PDZD2: variants seen among roughly 807,000 people sequenced by gnomAD.
PDZD2 encodes the protein PDZ domain-containing protein 2.
A neutral mutation model predicts 220.7 loss-of-function variants in PDZD2; 90 were observed. The observed-to-expected ratio is 0.41, with a 90% CI of 0.34 to 0.49. The LOEUF (loss-of-function observed/expected upper bound fraction) is 0.49, where lower values mean the gene tolerates loss of function less well. PDZD2 is among the 20% of genes least tolerant of loss of function. PDZD2 has a pLI of 0.28. For synonymous variants in PDZD2, 1,375 were observed against 1,450.5 expected, an observed-to-expected ratio of 0.95 and a Z score of 1.18; for missense variants, 3,174 against 3,608.5, an observed-to-expected ratio of 0.88 and a Z score of 3.08.
chr5:32,012,072 G>A (rs893978933), intron 6 of PDZD2, among the ~76,000 whole-genome samples: 1 of 152,166 alleles, frequency 6.6e-6, no homozygotes, highest in African/African-American at 2.4e-5. Context: ...CACAGCTCCA[G>A]CATTCTGACC....
Position 31,956,778 on chromosome 5 carries a change from A to G in PDZD2, c.477-26377A>G, listed in dbSNP as rs866766043. Among the ~76,000 whole-genome samples, 10 of 148,108 alleles carry G rather than the reference A, an allele frequency of 6.8e-5. 1 individual carries two copies. The highest frequency in any genetic ancestry group is 3.4e-3 in the Middle Eastern group (1 of 290). On this transcript the variant is annotated intron_variant, in intron 2 of 24. Coordinates refer to ENST00000438447, the MANE Select transcript of PDZD2 (RefSeq NM_178140.4). Reference sequence around the variant, plus strand: ...CATCTCAAAAAAAAAAAAAAAAAAAAAAAAAAAGGGACAAAGAGGAAACTG... The same window carrying G: ...CATCTCAAAAAAAAAAAAAAAAAAAGAAAAAAAGGGACAAAGAGGAAACTG...
intron 1 of PDZD2, among the ~76,000 whole-genome samples, chr5:31,660,526 T>C (rs1435232655): frequency 6.6e-6 from 1 of 152,134 alleles, no homozygotes; most frequent in Non-Finnish European, 1.5e-5. Flanking sequence ...CATGTCCTTC[T>C]TCACAAGGTG....
At position 31,646,232 on chromosome 5, in the gene PDZD2, ACT is replaced by A. The variant is rs1211435928; in HGVS notation, c.-361+6798_-361+6799del. 6.6e-6 allele frequency among the ~76,000 whole-genome samples: 1 copy of A among 151,990 alleles called. No homozygotes were observed. The highest frequency in any genetic ancestry group is 6.6e-5 in the Admixed American group (1 of 15,266). Reference sequence around the variant, plus strand: ...TACTGTAATTCCAGTATTCCAGAAGACTCTGTTTCTGGAGACTGGAGAGGCAA... The same window carrying A: ...TACTGTAATTCCAGTATTCCAGAAGACTGTTTCTGGAGACTGGAGAGGCAA... On this transcript the variant is annotated intron_variant, in intron 1 of 24. Coordinates refer to ENST00000438447, the MANE Select transcript of PDZD2 (RefSeq NM_178140.4). This position sits in a 1 kb window ranked among gnomAD's most constrained non-coding sequence, Gnocchi z 4.7.
intron 9 of PDZD2, 120 bp downstream of exon 9, chr5:32,052,850 GC>G: frequency 9.4e-7 from 1 of 1,058,392 alleles, no homozygotes; most frequent in Non-Finnish European, 1.4e-6. Flanking sequence ...TTGCTCTGTT[GC>G]CCAGGCCGGA....
At chr5:32,054,338 T>TTAA (rs1554034160) in intron 10 of PDZD2, among the ~76,000 whole-genome samples, 2 of 125,662 alleles carry the variant, frequency 1.6e-5, no homozygotes, top group South Asian at 2.7e-4. Flanking sequence ...TTTTTTTTTT[T>TTAA]AATGAGACAG....
At chr5:31,657,540 A>C (rs1301177894) in intron 1 of PDZD2, among the ~76,000 whole-genome samples, 1 of 152,212 alleles carries the variant, frequency 6.6e-6, no homozygotes, top group African/African-American at 2.4e-5. Flanking sequence ...GAATCTAAAT[A>C]GGCTTACAGG....
At chr5:31,652,495 G>A (rs1745390310) in intron 1 of PDZD2, among the ~76,000 whole-genome samples, 2 of 152,112 alleles carry the variant, frequency 1.3e-5, no homozygotes, top group Non-Finnish European at 2.9e-5. Flanking sequence ...TTCTTTCCGA[G>A]TGCTTATACT....
At chr5:32,009,197 A>T (rs1307871540) in intron 5 of PDZD2, among the ~76,000 whole-genome samples, 1 of 151,500 alleles carries the variant, frequency 6.6e-6, no homozygotes, top group African/African-American at 2.4e-5. Flanking sequence ...TACAAAAATT[A>T]GCCAGGCATG....
At chr5:31,650,357 G>T (rs1361092015) in intron 1 of PDZD2, among the ~76,000 whole-genome samples, 1 of 152,182 alleles carries the variant, frequency 6.6e-6, no homozygotes, top group Non-Finnish European at 1.5e-5. Context: ...TTTGAATCCA[G>T]ATCTCTCTGT....
intron 2 of PDZD2, among the ~76,000 whole-genome samples, chr5:31,948,760 CT>C (rs1203693426): frequency 3.3e-5 from 5 of 152,164 alleles, no homozygotes; most frequent in Middle Eastern, 3.4e-3. Flanking sequence ...ACAGTCCCAG[CT>C]TTGAATGGTT....
intron 5 of PDZD2, among the ~76,000 whole-genome samples, chr5:32,003,237 TTCA>T (rs1752451922): frequency 2.9e-4 from 1 of 3,410 alleles, no homozygotes; most frequent in Non-Finnish European, 1.3e-3. Flanking sequence ...AACATATACC[TTCA>T]CACACACACC....
chr5:31,740,558 A>AAAAAAAAAAAAAAAAAC (rs1475550222), intron 1 of PDZD2, among the ~76,000 whole-genome samples: 1 of 141,514 alleles, frequency 7.1e-6, no homozygotes, highest in Non-Finnish European at 1.5e-5. Context: ...AAAAAAAAAA[A>AAAAAAAAAAAAAAAAAC]TCTGCTGTTG....
chr5:32,078,349 G>A (rs1176291845), intron 19 of PDZD2, among the ~76,000 whole-genome samples: 2 of 152,042 alleles, frequency 1.3e-5, no homozygotes, highest in Non-Finnish European at 2.9e-5. Flanking sequence ...ATTTATTTAG[G>A]TGCCAGGTGC....
intron 6 of PDZD2, among the ~76,000 whole-genome samples, chr5:32,030,119 G>A (rs957189880): frequency 2.0e-5 from 3 of 151,578 alleles, no homozygotes; most frequent in Non-Finnish European, 4.4e-5. Context: ...GGTGTAGATG[G>A]TGCCTCTGAT....
chr5:31,885,339 G>T (rs1740362303), intron 2 of PDZD2, among the ~76,000 whole-genome samples: 1 of 152,004 alleles, frequency 6.6e-6, no homozygotes, highest in Admixed American at 6.6e-5. Context: ...GCAGGGTAGA[G>T]TTCGGGTCTT....
chr5:31,755,902 G>A (rs1340941380), intron 1 of PDZD2, among the ~76,000 whole-genome samples: 2 of 152,086 alleles, frequency 1.3e-5, no homozygotes, highest in East Asian at 3.9e-4. Context: ...TTAAGAGTTA[G>A]ACGTGGCCTT....
intron 1 of PDZD2, among the ~76,000 whole-genome samples, chr5:31,731,598 T>G (rs1422285636): frequency 1.3e-5 from 2 of 152,216 alleles, no homozygotes; most frequent in Admixed American, 6.5e-5. Context: ...TCCACTTATA[T>G]GTATTCTGTG....
chr5:31,641,698 A>G (rs940938766), intron 1 of PDZD2, among the ~76,000 whole-genome samples: 1 of 152,036 alleles, frequency 6.6e-6, no homozygotes, highest in African/African-American at 2.4e-5. Flanking sequence ...CATGTTGCTT[A>G]TGCTGGTCTC....
intron 5 of PDZD2, among the ~76,000 whole-genome samples, chr5:32,008,532 C>T (rs185274036): frequency 2.6e-5 from 4 of 152,176 alleles, no homozygotes; most frequent in African/African-American, 7.2e-5. Flanking sequence ...GTGATCCACC[C>T]GCCTCGGCCT....
Sources: allele counts gnomAD v4.1 joint callset (sites outside exome capture counted in the v4.1 genomes callset), GRCh38; gene constraint gnomAD v4.1.1; non-coding constraint Gnocchi (gnomAD v3.1); transcripts MANE v1.5; gene names NCBI Gene and HGNC (gene_info 2026-07-23, HGNC 2026-07-21).